The following NAALADL2 variants were observed in gnomAD, a reference collection of about 807,000 sequenced individuals.
NAALADL2 encodes the protein inactive N-acetylated-alpha-linked acidic dipeptidase-like protein 2.
NAALADL2 carries 76 observed loss-of-function variants against 87.2 expected under a neutral mutation model. That is an observed-to-expected ratio of 0.87 (90% CI 0.72 to 1.05). The LOEUF (loss-of-function observed/expected upper bound fraction) is 1.05. Ranked by LOEUF, NAALADL2 falls within the 50% of genes least tolerant of loss-of-function variation. The probability of loss-of-function intolerance (pLI) is 0.00; values close to 1 mark genes in which losing one functional copy is unlikely to be tolerated. For missense variants in NAALADL2, 1,089 were observed against 945.8 expected (o/e 1.15, Z -1.99); for synonymous variants, 354 against 331.0 (o/e 1.07, Z -0.75).
At chr3:174,985,614 T>C (rs1418717561) in intron 1 of NAALADL2, among the ~76,000 whole-genome samples, 1 of 152,108 alleles carries the variant, frequency 6.6e-6, no homozygotes, top group African/African-American at 2.4e-5. Context: ...TCAAAAGTGG[T>C]ATTATATTGG....
chr3:174,503,040 AC>A (rs573991142), intron 1 of NAALADL2, among the ~76,000 whole-genome samples: 8,180 of 149,900 alleles, frequency 0.055, 737 homozygotes, highest in African/African-American at 0.19. Flanking sequence ...AAAAAAAAAA[AC>A]CTCTTATCTT....
chr3:175,274,186 A>C (rs1333645278), intron 4 of NAALADL2, among the ~76,000 whole-genome samples: 1 of 152,190 alleles, frequency 6.6e-6, no homozygotes, highest in Non-Finnish European at 1.5e-5. Flanking sequence ...TTGTGGCAGC[A>C]GGCAAGAAGG....
intron 5 of NAALADL2, among the ~76,000 whole-genome samples, chr3:175,373,281 T>A (rs576592305): frequency 6.6e-6 from 1 of 152,302 alleles, no homozygotes; most frequent in African/African-American, 2.4e-5. Flanking sequence ...GGAACGTTTT[T>A]AACACCAAAA....
chr3:174,581,407 A>G (rs1716151629), intron 2 of NAALADL2, among the ~76,000 whole-genome samples: 2 of 152,182 alleles, frequency 1.3e-5, no homozygotes, highest in African/African-American at 4.8e-5. Flanking sequence ...ATAGTTTCCT[A>G]ATACCAGAGA....
At chr3:175,489,506 T>C (rs1331840793) in intron 9 of NAALADL2, among the ~76,000 whole-genome samples, 1 of 152,200 alleles carries the variant, frequency 6.6e-6, no homozygotes, top group Non-Finnish European at 1.5e-5. Context: ...CCTAAGTTGT[T>C]AGCATATGAA....
chr3:174,634,588 A>G (rs1722450488), intron 2 of NAALADL2, among the ~76,000 whole-genome samples: 1 of 152,152 alleles, frequency 6.6e-6, no homozygotes, highest in Non-Finnish European at 1.5e-5. Context: ...GGTAGTCATG[A>G]CAGATCCCCA....
chr3:175,799,930 A>G (rs1293731491), intron 13 of NAALADL2, among the ~76,000 whole-genome samples: 1 of 152,222 alleles, frequency 6.6e-6, no homozygotes, highest in Non-Finnish European at 1.5e-5. Context: ...TCTGCTTTAA[A>G]GAATGTTCTG....
At chr3:174,891,087 A>T (rs1730816405) in intron 1 of NAALADL2, among the ~76,000 whole-genome samples, 1 of 152,164 alleles carries the variant, frequency 6.6e-6, no homozygotes, top group Non-Finnish European at 1.5e-5. Context: ...TATACTCTTA[A>T]CCAGGAATGC....
At chr3:175,393,812 A>AT (rs1769391100) in intron 5 of NAALADL2, among the ~76,000 whole-genome samples, 1 of 152,214 alleles carries the variant, frequency 6.6e-6, no homozygotes. Context: ...CCAACACACT[A>AT]TCCATACCCA....
In NAALADL2 at chr3:174,492,540, TG is replaced by T. The variant is rs1268396498; in HGVS notation, c.-184+51509del. Among the ~76,000 whole-genome samples, 3 of 38,362 alleles carry T rather than the reference TG, an allele frequency of 7.8e-5. No homozygotes were observed. The Admixed American group carries it at 1.2e-3, about 15-fold the overall frequency. The allele number at this position is 38,362 out of a possible 152,430, so 25.2% of individuals were successfully genotyped here. A position where few individuals can be genotyped will look rare whatever the true frequency, so the allele number is the denominator to read the frequency against. ...AGGGACACCTACTATAGGTATTTTG[TG>T]TGTGTGTGTGTGCTGAAAGCAACAT... On this transcript the variant is annotated intron_variant, in intron 1 of 3. Coordinates refer to the NAALADL2 transcript ENST00000434257.
chr3:175,483,673 G>A (rs865866065), intron 9 of NAALADL2, among the ~76,000 whole-genome samples: 16 of 152,026 alleles, frequency 1.1e-4, no homozygotes, highest in Middle Eastern at 6.3e-3. Flanking sequence ...CATGTTAAAA[G>A]CAATGGGCTA....
intron 9 of NAALADL2, among the ~76,000 whole-genome samples, chr3:175,535,490 C>T (rs1184670244): frequency 6.6e-6 from 1 of 152,082 alleles, no homozygotes; most frequent in African/African-American, 2.4e-5. Flanking sequence ...GATGTAAGGC[C>T]CTAGTTTACA....
At chr3:175,217,862 G>T (rs537753083) in intron 2 of NAALADL2, among the ~76,000 whole-genome samples, 19 of 152,140 alleles carry the variant, frequency 1.2e-4, no homozygotes, top group African/African-American at 4.6e-4. Context: ...GTTTGTGTTT[G>T]TTAGGAACAT....
chr3:175,630,242 A>G (rs796103819), intron 11 of NAALADL2, among the ~76,000 whole-genome samples: 10 of 151,974 alleles, frequency 6.6e-5, no homozygotes, highest in African/African-American at 2.2e-4. Context: ...CAGAGAAATG[A>G]AATATATAGA....
At chr3:174,540,331 G>A (rs1408015016) in intron 1 of NAALADL2, among the ~76,000 whole-genome samples, 2 of 152,036 alleles carry the variant, frequency 1.3e-5, no homozygotes, top group African/African-American at 4.8e-5. Flanking sequence ...CCCTTGTTTT[G>A]GGGTCATTTC....
chr3:174,863,967 T>C (rs538818328), intron 1 of NAALADL2: 1 of 436,718 alleles, frequency 2.3e-6, no homozygotes, highest in Non-Finnish European at 4.6e-6. Flanking sequence ...GATATTGAGG[T>C]AACAGGACAT....
chr3:175,620,331 G>A (rs1372004291), intron 10 of NAALADL2, among the ~76,000 whole-genome samples: 1 of 152,196 alleles, frequency 6.6e-6, no homozygotes, highest in African/African-American at 2.4e-5. Flanking sequence ...TTAGCACGCA[G>A]CTGAGCTGGG....
At chr3:175,572,925 T>A (rs1041956825) in intron 9 of NAALADL2, among the ~76,000 whole-genome samples, 1 of 151,588 alleles carries the variant, frequency 6.6e-6, no homozygotes, top group African/African-American at 2.4e-5. Flanking sequence ...TTGCAAGGAT[T>A]GATTGGAATG....
At chr3:174,444,088 C>A (rs1714866861) in intron 1 of NAALADL2, among the ~76,000 whole-genome samples, 1 of 152,026 alleles carries the variant, frequency 6.6e-6, no homozygotes, top group Non-Finnish European at 1.5e-5. Flanking sequence ...GTGTACAAAA[C>A]AATGGCATGT....
Sources: gnomAD v4.1 joint callset for allele counts (sites outside exome capture counted in the v4.1 genomes callset) on GRCh38, gnomAD v4.1.1 for gene constraint, MANE v1.5 for transcripts, NCBI Gene and HGNC (gene_info 2026-07-23, HGNC 2026-07-21) for gene names.